Variants in PRORP observed in about 807,000 individuals in gnomAD.
PRORP encodes the protein mitochondrial ribonuclease P catalytic subunit.
PRORP carries 51 observed loss-of-function variants against 59.4 expected under a neutral mutation model. That is an observed-to-expected ratio of 0.86 (90% CI 0.69 to 1.08). The LOEUF is 1.08. Among genes scored for constraint, PRORP ranks in the 50% least tolerant of loss-of-function variants. The probability of loss-of-function intolerance (pLI) is 0.00; values close to 1 mark genes in which losing one functional copy is unlikely to be tolerated. For missense variants in PRORP, 646 were observed against 690.3 expected, an observed-to-expected ratio of 0.94 and a Z score of 0.72; for synonymous variants, 231 against 245.6, an observed-to-expected ratio of 0.94 and a Z score of 0.55.
At chr14:35,264,946 G>T (rs184593780) in intron 5 of PRORP, among the ~76,000 whole-genome samples, 1 of 152,094 alleles carries the variant, frequency 6.6e-6, no homozygotes, top group Admixed American at 6.6e-5. Flanking sequence ...CTGAGATCGC[G>T]CCACTGCCCT....
intron 4 of PRORP, among the ~76,000 whole-genome samples, chr14:35,166,767 G>T (rs2048195074): frequency 6.6e-6 from 1 of 152,000 alleles, no homozygotes; most frequent in South Asian, 2.1e-4. Context: ...AATCTTTAAG[G>T]CAAAGCTCCT....
Position 35,123,973 on chromosome 14 carries a change from CA to C in PRORP, c.734del (p.Lys245ArgfsTer16). ...GACATCAAAAAAGTTATAACTCCTT[CA>C]AAAAAGAACTATAATGACTGTATCC... ...LEDIKKVITP[S>X]KKNYNDCIQG... On this transcript the variant is annotated frameshift_variant, in exon 2 of 8. Coordinates refer to ENST00000534898, the MANE Select transcript of PRORP (RefSeq NM_014672.4). LOFTEE classifies it high-confidence loss of function. 6.2e-7 allele frequency: 1 copy of C among 1,613,834 alleles called. No individual in the cohort carries two copies. The highest frequency in any genetic ancestry group is 1.1e-5 in the South Asian group (1 of 91,066).
At chr14:35,196,106 A>G (rs1279122793) in intron 5 of PRORP, among the ~76,000 whole-genome samples, 1 of 152,230 alleles carries the variant, frequency 6.6e-6, no homozygotes, top group Non-Finnish European at 1.5e-5. Flanking sequence ...AAGAAGATCT[A>G]AAAATAAATA....
intron 4 of PRORP, among the ~76,000 whole-genome samples, chr14:35,159,316 T>G (rs1203014194): frequency 6.6e-6 from 1 of 152,198 alleles, no homozygotes; most frequent in African/African-American, 2.4e-5. Flanking sequence ...CTTCCTCTTC[T>G]TTTTCCCCTC....
chr14:35,233,217 C>A (rs950812967), intron 5 of PRORP, among the ~76,000 whole-genome samples: 1 of 150,200 alleles, frequency 6.7e-6, no homozygotes, highest in East Asian at 1.9e-4. Context: ...TCCCTTCACT[C>A]ATGGAGCTAA....
intron 2 of PRORP, among the ~76,000 whole-genome samples, chr14:35,126,056 A>T (rs1038858585): frequency 2.6e-5 from 4 of 152,158 alleles, no homozygotes; most frequent in African/African-American, 9.7e-5. Flanking sequence ...GGAGTTTTAC[A>T]AAGGCAGTTG....
At chr14:35,158,711 C>G (rs2047982838) in intron 4 of PRORP, 1 of 387,610 alleles carries the variant, frequency 2.6e-6, no homozygotes, top group African/African-American at 2.1e-5. Flanking sequence ...CCAGCAATTA[C>G]TATTATCTAC....
chr14:35,211,545 T>C (rs1211734967), intron 5 of PRORP, among the ~76,000 whole-genome samples: 2 of 152,222 alleles, frequency 1.3e-5, no homozygotes, highest in Non-Finnish European at 2.9e-5. Context: ...TCCAAACCAC[T>C]GCAATAAAAA....
At chr14:35,140,099 A>G (rs1489431652) in intron 4 of PRORP, among the ~76,000 whole-genome samples, 1 of 144,798 alleles carries the variant, frequency 6.9e-6, no homozygotes, top group African/African-American at 2.4e-5. Flanking sequence ...TTCTACATTC[A>G]CATTCTGTGT....
At position 35,253,034 on chromosome 14, in the gene PRORP, A is replaced by T. The variant is rs566281119; in HGVS notation, c.1276-13693A>T. ...TCAAGTCTCTTCCATCCTTAAAAAA[A>T]TTGAGAAACTTTCTGCTGGTCAGGT... On this transcript the variant is annotated intron_variant, in intron 5 of 7. Coordinates refer to ENST00000534898, the MANE Select transcript of PRORP (RefSeq NM_014672.4). Among the ~76,000 whole-genome samples, 3 of 152,286 alleles carry T rather than the reference A, an allele frequency of 2.0e-5. No individual in the cohort carries two copies. The South Asian group carries it at 6.2e-4, about 32-fold the overall frequency.
chr14:35,153,685 A>G (rs1412068752), intron 4 of PRORP, among the ~76,000 whole-genome samples: 2 of 152,168 alleles, frequency 1.3e-5, no homozygotes, highest in South Asian at 2.1e-4. Flanking sequence ...AACAGTTTCC[A>G]TCTTGGATTA....
At chr14:35,187,424 C>A (rs374366749) in intron 5 of PRORP, among the ~76,000 whole-genome samples, 24 of 107,026 alleles carry the variant, frequency 2.2e-4, no homozygotes, top group African/African-American at 6.6e-4. Flanking sequence ...ATTGTAGTTT[C>A]TTTGTTTTTT....
At chr14:35,175,440 T>TGG (rs1204040930) in intron 4 of PRORP, among the ~76,000 whole-genome samples, 1 of 152,146 alleles carries the variant, frequency 6.6e-6, no homozygotes, top group Non-Finnish European at 1.5e-5. Context: ...CCATTCTAAC[T>TGG]GGTGTGAGAT....
chr14:35,210,096 T>C (rs2049400035), intron 5 of PRORP, among the ~76,000 whole-genome samples: 1 of 152,210 alleles, frequency 6.6e-6, no homozygotes, highest in South Asian at 2.1e-4. Flanking sequence ...TTGTTCTGTA[T>C]CCTAATTGTG....
chr14:35,211,598 G>A (rs1276099898), intron 5 of PRORP, among the ~76,000 whole-genome samples: 5 of 152,164 alleles, frequency 3.3e-5, no homozygotes, highest in African/African-American at 9.7e-5. Flanking sequence ...TAAAAGTTAC[G>A]TTTATACTAT....
chr14:35,200,092 G>A (rs2049108475), intron 5 of PRORP, among the ~76,000 whole-genome samples: 1 of 152,094 alleles, frequency 6.6e-6, no homozygotes, highest in African/African-American at 2.4e-5. Context: ...TATTTTAACA[G>A]TATTAATATT....
intron 4 of PRORP, among the ~76,000 whole-genome samples, chr14:35,145,674 C>A (rs1335755216): frequency 7.2e-6 from 1 of 139,194 alleles, no homozygotes; most frequent in African/African-American, 2.5e-5. Flanking sequence ...GAGCTGAGAT[C>A]GCGCCACTGC....
intron 5 of PRORP, among the ~76,000 whole-genome samples, chr14:35,234,345 T>C (rs999268891): frequency 3.3e-5 from 5 of 152,236 alleles, no homozygotes; most frequent in African/African-American, 1.2e-4. Context: ...TTTTTCCAAA[T>C]ACTGTGTTTC....
intron 5 of PRORP, among the ~76,000 whole-genome samples, chr14:35,252,461 A>T (rs1359948576): frequency 6.6e-6 from 1 of 152,132 alleles, no homozygotes; most frequent in Non-Finnish European, 1.5e-5. Context: ...AAACAAATTA[A>T]AAAGAAGGCA....
Sources: gnomAD v4.1 joint callset for allele counts (sites outside exome capture counted in the v4.1 genomes callset) on GRCh38, gnomAD v4.1.1 for gene constraint, MANE v1.5 for transcripts, NCBI Gene and HGNC (gene_info 2026-07-23, HGNC 2026-07-21) for gene names.